The following SOX5 variants were observed in gnomAD, a reference collection of about 807,000 sequenced individuals.
SOX5 encodes the protein transcription factor SOX-5.
In SOX5, 9 loss-of-function variants were observed where a neutral mutation model predicts 92.0. That is an observed-to-expected ratio of 0.10 (90% CI 0.06 to 0.17). The LOEUF (loss-of-function observed/expected upper bound fraction) is 0.17, where lower values mean the gene tolerates loss of function less well. Ranked by LOEUF, SOX5 falls within the 10% of genes least tolerant of loss-of-function variation. The pLI, the probability that SOX5 is intolerant of heterozygous loss-of-function variation, is 1.00. For synonymous variants in SOX5, 344 were observed against 336.3 expected (o/e 1.02, Z -0.25); for missense variants, 642 against 944.5 (o/e 0.68, Z 4.20).
intron 3 of SOX5, among the ~76,000 whole-genome samples, chr12:24,247,071 A>T (rs186163041): frequency 6.6e-6 from 1 of 152,306 alleles, no homozygotes; most frequent in African/African-American, 2.4e-5. Context: ...GACAAGAGTG[A>T]TTTATTTTTG....
rs16927487 is a variant in SOX5 at position 24,346,177 on chromosome 12, T to C, written c.-174+22386A>G. 0.035 allele frequency among the ~76,000 whole-genome samples: 5,388 copies of C among 152,272 alleles called. 603 individuals are homozygous for C. In the East Asian group the frequency reaches 0.43, roughly 12 times the overall value. ...CGGGAAAACGAACGTCATCCATGCA[T>C]TTAGGGAAATTTTCCCAGAATCCTT... On this transcript the variant is annotated intron_variant, in intron 2 of 4. Transcript: ENST00000446891.
Position 23,530,881 on chromosome 12 carries a change from ATAGG to A in SOX5, c.*3334_*3337del, listed in dbSNP as rs1938922019. ...AGGGAAAGAGATAAAGTGTGAACAG[ATAGG>A]TAAGAAAGCAGACAGGAAGGAGACT... is the stretch of plus-strand genomic sequence containing the variant. On this transcript the variant is annotated 3_prime_UTR_variant, in exon 15 of 15. Coordinates refer to ENST00000451604, the MANE Select transcript of SOX5 (RefSeq NM_006940.6). 6.8e-6 allele frequency: 1 copy of A among 146,392 alleles called. No individual in the cohort carries two copies. Among genetic ancestry groups the A allele is most frequent in the Admixed American group, 6.9e-5 (1 of 14,524 alleles). The allele number at this position is 146,392 out of a possible 1,614,324, so 9.1% of individuals were successfully genotyped here.
intron 2 of SOX5, among the ~76,000 whole-genome samples, chr12:24,348,121 CTT>C (rs1204943762): frequency 6.7e-6 from 1 of 148,646 alleles, no homozygotes; most frequent in African/African-American, 2.5e-5. Flanking sequence ...TAAAATGAGT[CTT>C]TGTGCAATGA....
At chr12:24,045,398 A>G (rs757200923) in intron 4 of SOX5, among the ~76,000 whole-genome samples, 1 of 152,184 alleles carries the variant, frequency 6.6e-6, no homozygotes, top group Non-Finnish European at 1.5e-5. Flanking sequence ...TCCCAGGCTC[A>G]AGAAACCCTC....
rs925800874 is a variant in SOX5 at position 23,533,461 on chromosome 12, G to T, written c.*758C>A. The T allele has an allele frequency of 2.1e-5, 4 of 189,538 alleles. No individual in the cohort carries two copies. The highest frequency in any genetic ancestry group is 9.4e-5 in the African/African-American group (4 of 42,508). 11.7% of individuals were successfully genotyped at this position (189,538 alleles called of 1,614,324 possible). The stretch of plus-strand genomic sequence containing the variant: ...TTAAGAAGGAAAAGGAAAAAGTAAA[G>T]AGAAAAAATGAACTTGGTCAACACT... On this transcript the variant is annotated 3_prime_UTR_variant, in exon 15 of 15. Transcript: ENST00000451604.
chr12:24,053,773 T>C (rs1957826967), intron 4 of SOX5, among the ~76,000 whole-genome samples: 1 of 152,240 alleles, frequency 6.6e-6, no homozygotes, highest in African/African-American at 2.4e-5. Flanking sequence ...ATAAATTCTA[T>C]ATTTCATATT....
At chr12:24,541,806 T>C (rs1284094254) in intron 1 of SOX5, among the ~76,000 whole-genome samples, 14 of 152,198 alleles carry the variant, frequency 9.2e-5, no homozygotes, top group Admixed American at 8.5e-4. Flanking sequence ...GAGTATAGTA[T>C]AGAAAATTCT....
chr12:24,413,637 T>C (rs1395809139), intron 1 of SOX5, among the ~76,000 whole-genome samples: 2 of 152,204 alleles, frequency 1.3e-5, no homozygotes, highest in Non-Finnish European at 2.9e-5. Context: ...TTATCACTCA[T>C]CTACATTGGA....
intron 4 of SOX5, among the ~76,000 whole-genome samples, chr12:24,210,759 T>TGTATTATCTAAC (rs1958521508): frequency 6.6e-6 from 1 of 152,232 alleles, no homozygotes; most frequent in Non-Finnish European, 1.5e-5. Flanking sequence ...AAAGGATAGC[T>TGTATTATCTAAC]GTATTATCTA....
chr12:23,645,665 GATT>G (rs1199556992), intron 7 of SOX5, among the ~76,000 whole-genome samples: 1 of 151,974 alleles, frequency 6.6e-6, no homozygotes, highest in Non-Finnish European at 1.5e-5. Flanking sequence ...TTATAATACA[GATT>G]ATTCCATAAA....
intron 8 of SOX5, among the ~76,000 whole-genome samples, chr12:23,634,210 T>C (rs531233787): frequency 6.6e-6 from 1 of 152,302 alleles, no homozygotes; most frequent in African/African-American, 2.4e-5. Flanking sequence ...AGATACATTA[T>C]TGAACAACAG....
intron 3 of SOX5, among the ~76,000 whole-genome samples, chr12:23,779,902 G>A (rs1241725483): frequency 2.7e-5 from 4 of 147,360 alleles, no homozygotes; most frequent in Admixed American, 1.4e-4. Context: ...TACAATGTGT[G>A]CTCCAATTAG....
chr12:24,320,020 A>G (rs777169472), intron 2 of SOX5, among the ~76,000 whole-genome samples: 1 of 152,122 alleles, frequency 6.6e-6, no homozygotes, highest in Non-Finnish European at 1.5e-5. Flanking sequence ...TTATATTTCT[A>G]CTAGACTGCT....
At chr12:24,490,470 C>T (rs1372031038) in intron 1 of SOX5, among the ~76,000 whole-genome samples, 1 of 152,080 alleles carries the variant, frequency 6.6e-6, no homozygotes, top group East Asian at 1.9e-4. Flanking sequence ...AAAGCATTTT[C>T]TTTAAAGATG....
intron 3 of SOX5, among the ~76,000 whole-genome samples, chr12:24,243,752 T>A (rs1937975861): frequency 6.6e-6 from 1 of 152,150 alleles, no homozygotes; most frequent in African/African-American, 2.4e-5. Flanking sequence ...TTTATTATTA[T>A]AATGATACAG....
chr12:24,006,281 T>G (rs1194789058), intron 4 of SOX5, among the ~76,000 whole-genome samples: 1 of 152,158 alleles, frequency 6.6e-6, no homozygotes, highest in Non-Finnish European at 1.5e-5. Context: ...ACTATCTCAT[T>G]AATGGTTAAA....
chr12:24,095,696 AG>A (rs1187465251), intron 4 of SOX5, among the ~76,000 whole-genome samples: 7 of 152,104 alleles, frequency 4.6e-5, no homozygotes, highest in Admixed American at 2.0e-4. Context: ...CGCGTGTCAA[AG>A]GGGAGACCAG....
chr12:23,564,966 CCT>C (rs1275165468), intron 10 of SOX5, among the ~76,000 whole-genome samples: 3 of 152,286 alleles, frequency 2.0e-5, no homozygotes, highest in Non-Finnish European at 4.4e-5. Flanking sequence ...TGCCTCTTCC[CCT>C]GTTAGTATGC....
chr12:24,365,145 CAA>C (rs1956036167), intron 2 of SOX5, among the ~76,000 whole-genome samples: 1 of 152,016 alleles, frequency 6.6e-6, no homozygotes, highest in Non-Finnish European at 1.5e-5. Flanking sequence ...TTCATTTGTG[CAA>C]AGAGACAAAA....
Sources: gnomAD v4.1 joint callset for allele counts (sites outside exome capture counted in the v4.1 genomes callset) on GRCh38, gnomAD v4.1.1 for gene constraint, MANE v1.5 for transcripts, NCBI Gene and HGNC (gene_info 2026-07-23, HGNC 2026-07-21) for gene names.